Variants in FLT1 observed in about 807,000 individuals in gnomAD.
The protein encoded by FLT1 is fms related receptor tyrosine kinase 1.
Under a neutral mutation model 156.3 loss-of-function variants are expected in FLT1, and 49 were observed. The ratio of observed to expected loss-of-function variants is 0.31; its 90% CI spans 0.25 to 0.40. FLT1 has a LOEUF of 0.40. Among genes scored for constraint, FLT1 ranks in the 10% least tolerant of loss-of-function variants. The pLI is 1.00. For missense variants in FLT1, 1,322 were observed against 1,637.2 expected (o/e 0.81, Z 3.32); for synonymous variants, 594 against 583.8 (o/e 1.02, Z -0.25).
chr13:28,397,749 CGT>C (rs35710786), intron 11 of FLT1, among the ~76,000 whole-genome samples: 39,582 of 129,420 alleles, frequency 0.31, 5,585 homozygotes, highest in East Asian at 0.41. Context: ...TGAAGGAGAC[CGT>C]GTGTGTGTGT....
At chr13:28,358,449 GGTACATA>G (rs1184968033) in intron 14 of FLT1, among the ~76,000 whole-genome samples, 1 of 152,146 alleles carries the variant, frequency 6.6e-6, no homozygotes, top group African/African-American at 2.4e-5. Flanking sequence ...GCAAGCCCAT[GGTACATA>G]GTAAGTGCTC....
At chr13:28,419,827 C>A (rs568588506) in intron 10 of FLT1, among the ~76,000 whole-genome samples, 1 of 152,114 alleles carries the variant, frequency 6.6e-6, no homozygotes, top group Non-Finnish European at 1.5e-5. Flanking sequence ...TGCAGTGAGC[C>A]GAGATCGTGC....
chr13:28,434,563 T>A (rs147804017), intron 4 of FLT1, among the ~76,000 whole-genome samples: 1 of 152,206 alleles, frequency 6.6e-6, no homozygotes, highest in African/African-American at 2.4e-5. Flanking sequence ...ATCTTCATAA[T>A]AAGCTGGTCA....
intron 15 of FLT1, among the ~76,000 whole-genome samples, chr13:28,350,144 C>T (rs1872694840): frequency 6.6e-6 from 1 of 152,130 alleles, no homozygotes; most frequent in Admixed American, 6.5e-5. Flanking sequence ...GGAAAGAGGC[C>T]AGGGAAATGT....
intron 14 of FLT1, among the ~76,000 whole-genome samples, chr13:28,364,518 A>G (rs1386284661): frequency 2.0e-5 from 3 of 152,156 alleles, no homozygotes; most frequent in African/African-American, 7.2e-5. Context: ...TTTCTTCATA[A>G]AATCTGTTTA....
At chr13:28,366,274 C>G (rs1298876467) in intron 14 of FLT1, among the ~76,000 whole-genome samples, 1 of 152,122 alleles carries the variant, frequency 6.6e-6, no homozygotes, top group Admixed American at 6.6e-5. Flanking sequence ...AAGCAAGGAC[C>G]TTCATGATCT....
chr13:28,426,526 A>G (rs140205523), intron 10 of FLT1, among the ~76,000 whole-genome samples: 162 of 152,342 alleles, frequency 1.1e-3, no homozygotes, highest in African/African-American at 3.6e-3. Context: ...ACCTTTGCGC[A>G]TCGAGTGATG....
chr13:28,487,792 C>T (rs985712350), intron 1 of FLT1, among the ~76,000 whole-genome samples: 3 of 152,002 alleles, frequency 2.0e-5, no homozygotes, highest in African/African-American at 7.2e-5. Context: ...GCTTGTAGAA[C>T]TTTATGGTGA....
At chr13:28,395,049 G>A (rs894512090) in intron 12 of FLT1, among the ~76,000 whole-genome samples, 10 of 152,256 alleles carry the variant, frequency 6.6e-5, no homozygotes, top group South Asian at 4.2e-4. Context: ...GAGAGGGGAG[G>A]TGGGTGATTT....
rs759134132 is a variant in FLT1, at chr13:28,467,172, C to G, written c.162-43G>C. ...AAAACAAAACATATTTATGGCTGGG[C>G]CCTAGGCTCAGCACCAGTTCCTCAG... On this transcript the variant is annotated intron_variant, in intron 2 of 29. Transcript: ENST00000282397. The G allele has an allele frequency of 3.4e-6, 5 of 1,464,386 alleles. No homozygotes were observed. The Admixed American group carries it at 6.7e-5, about 20-fold the overall frequency. The allele number at this position is 1,464,386 out of a possible 1,614,324, so 90.7% of individuals were successfully genotyped here.
At chr13:28,316,085 C>T (rs1342608227) in intron 25 of FLT1, among the ~76,000 whole-genome samples, 1 of 152,202 alleles carries the variant, frequency 6.6e-6, no homozygotes, top group Non-Finnish European at 1.5e-5. Flanking sequence ...GGCCTTGCCT[C>T]AGCTCCCTGT....
chr13:28,419,558 C>T (rs933507533), intron 10 of FLT1, among the ~76,000 whole-genome samples: 3 of 152,234 alleles, frequency 2.0e-5, no homozygotes, highest in African/African-American at 7.2e-5. Flanking sequence ...AGAAGCTACA[C>T]TGAATCTTGC....
At chr13:28,324,462 G>C (rs1166394194) in intron 20 of FLT1, among the ~76,000 whole-genome samples, 1 of 152,192 alleles carries the variant, frequency 6.6e-6, no homozygotes, top group Non-Finnish European at 1.5e-5. Flanking sequence ...TAGTCTAAAA[G>C]CCAAAAGGGC....
chr13:28,463,585 A>T (rs1469913133), intron 3 of FLT1, among the ~76,000 whole-genome samples: 1 of 152,210 alleles, frequency 6.6e-6, no homozygotes, highest in Non-Finnish European at 1.5e-5. Context: ...CATATTCTAA[A>T]GTAAATATTC....
intron 10 of FLT1, among the ~76,000 whole-genome samples, chr13:28,413,644 C>T (rs971756871): frequency 1.3e-5 from 2 of 152,064 alleles, no homozygotes; most frequent in African/African-American, 4.8e-5. Context: ...AAAAAATATC[C>T]TTTAACACAT....
chr13:28,473,430 A>C (rs1029315393), intron 1 of FLT1, among the ~76,000 whole-genome samples: 1 of 151,762 alleles, frequency 6.6e-6, no homozygotes, highest in Non-Finnish European at 1.5e-5. Context: ...GGATCACCTG[A>C]GGTCAGGAGT....
chr13:28,413,837 T>C (rs1034972258), intron 10 of FLT1, among the ~76,000 whole-genome samples: 1 of 152,196 alleles, frequency 6.6e-6, no homozygotes, highest in Non-Finnish European at 1.5e-5. Context: ...ATAAGAAACA[T>C]AGATGTTAGA....
At chr13:28,352,503 A>T (rs1227094507) in intron 15 of FLT1, among the ~76,000 whole-genome samples, 1 of 152,184 alleles carries the variant, frequency 6.6e-6, no homozygotes, top group Non-Finnish European at 1.5e-5. Flanking sequence ...TTTGAGTTTG[A>T]ATTATTTTGC....
At chr13:28,419,857 C>T (rs988037078) in intron 10 of FLT1, among the ~76,000 whole-genome samples, 21 of 152,258 alleles carry the variant, frequency 1.4e-4, no homozygotes, top group African/African-American at 4.3e-4. Context: ...CCAGCTTGGG[C>T]GACAGAGCAA....
Sources: allele counts gnomAD v4.1 joint callset (sites outside exome capture counted in the v4.1 genomes callset), GRCh38; gene constraint gnomAD v4.1.1; transcripts MANE v1.5; gene names NCBI Gene and HGNC (gene_info 2026-07-23, HGNC 2026-07-21).